Variants in NFIA observed in about 807,000 individuals in gnomAD.
NFIA encodes the protein nuclear factor 1 A-type.
Under a neutral mutation model 62.8 loss-of-function variants are expected in NFIA, and 8 were observed. The observed-to-expected ratio is 0.13, with a 90% CI of 0.07 to 0.23. NFIA has a LOEUF of 0.23. Ranked by LOEUF, NFIA falls within the 10% of genes least tolerant of loss-of-function variation. NFIA has a pLI of 1.00. For synonymous variants in NFIA, 235 were observed against 238.1 expected, an observed-to-expected ratio of 0.99 and a Z score of 0.12; for missense variants, 410 against 642.1, an observed-to-expected ratio of 0.64 and a Z score of 3.91.
chr1:61,351,057 G>C (rs1434958363), intron 4 of NFIA, among the ~76,000 whole-genome samples: 5 of 152,104 alleles, frequency 3.3e-5, no homozygotes, highest in Non-Finnish European at 7.4e-5. Context: ...CACTTATTCT[G>C]TTTTTCACTT....
chr1:61,170,143 A>G (rs1416305710), intron 2 of NFIA, among the ~76,000 whole-genome samples: 2 of 152,100 alleles, frequency 1.3e-5, no homozygotes, highest in African/African-American at 2.4e-5. Flanking sequence ...GCTACCCTGG[A>G]GATCCTCATG....
chr1:61,351,150 A>G (rs1662529580), intron 4 of NFIA, among the ~76,000 whole-genome samples: 1 of 152,242 alleles, frequency 6.6e-6, no homozygotes, highest in Admixed American at 6.5e-5. Context: ...TAAGCTGATG[A>G]TATTTTTAAC....
At chr1:61,349,789 C>T (rs1557724170) in intron 4 of NFIA, among the ~76,000 whole-genome samples, 2 of 151,970 alleles carry the variant, frequency 1.3e-5, no homozygotes, top group African/African-American at 4.8e-5. Context: ...GACATAGTCT[C>T]ACTATGTTGC....
chr1:61,388,188 A>G (rs533196058), intron 7 of NFIA, among the ~76,000 whole-genome samples: 8 of 152,306 alleles, frequency 5.3e-5, no homozygotes, highest in Non-Finnish European at 7.4e-5. Flanking sequence ...GGAATATCCT[A>G]TCGATAGGGG....
At chr1:61,352,405 T>A (rs755987988) in intron 4 of NFIA, 45 bp from the exon 5 acceptor site, 1 of 1,369,116 alleles carries the variant, frequency 7.3e-7, no homozygotes, top group South Asian at 1.2e-5. Flanking sequence ...TTGATTTTTT[T>A]ATCCACAGAA....
upstream of NFIA, chr1:61,081,954 G>A (rs1305426504): frequency 5.2e-6 from 8 of 1,550,572 alleles, no homozygotes; most frequent in African/African-American, 4.1e-5. Flanking sequence ...ATGCAAATGT[G>A]CCGCCCGGCC....
chr1:61,260,465 C>T (rs1236676655), intron 2 of NFIA, among the ~76,000 whole-genome samples: 1 of 152,174 alleles, frequency 6.6e-6, no homozygotes, highest in Non-Finnish European at 1.5e-5. Context: ...TTTTTGTTCA[C>T]GACTTCATCT....
rs963258037 is a variant in NFIA, at chr1:61,459,016, C to G, written c.*3696C>G. The G allele has an allele frequency of 1.3e-5, 2 of 152,092 alleles. No individual in the cohort carries two copies. Among genetic ancestry groups the G allele is most frequent in the Non-Finnish European group, 2.9e-5 (2 of 68,024 alleles). The allele number at this position is 152,092 out of a possible 1,614,324, so 9.4% of individuals were successfully genotyped here. On this transcript the variant is annotated 3_prime_UTR_variant, in exon 11 of 11. Transcript: ENST00000403491. ...TCATTGTCCAGAAAGCAGCAGGAAACTATTCAGTTGTGATCAAGCAGGAAA... is the reference window on the plus strand; with the variant it reads ...TCATTGTCCAGAAAGCAGCAGGAAAGTATTCAGTTGTGATCAAGCAGGAAA...
intron 6 of NFIA, among the ~76,000 whole-genome samples, chr1:61,366,895 T>C (rs762670144): frequency 2.4e-4 from 36 of 152,212 alleles, no homozygotes; most frequent in Non-Finnish European, 4.7e-4. Flanking sequence ...TGCACTCCAG[T>C]CTGGGCGACA....
chr1:61,309,389 T>G (rs1557697487), intron 3 of NFIA, among the ~76,000 whole-genome samples: 1 of 152,104 alleles, frequency 6.6e-6, no homozygotes, highest in Non-Finnish European at 1.5e-5. Context: ...TATGCATGAT[T>G]TTTCCTTACA....
rs1285322014 is a variant in NFIA at position 61,461,393 on chromosome 1, A to G, written c.*6073A>G. On this transcript the variant is annotated 3_prime_UTR_variant, in exon 11 of 11. Coordinates refer to ENST00000403491, the MANE Select transcript of NFIA (RefSeq NM_001134673.4). ...ACAAACTTTGGGCCCGATTCATAAGAAAAAGAAGTTTGCTATTAACACGGG... is the reference window on the plus strand; with the variant it reads ...ACAAACTTTGGGCCCGATTCATAAGGAAAAGAAGTTTGCTATTAACACGGG... The G allele has an allele frequency of 1.3e-5, 2 of 152,210 alleles. No individual in the cohort carries two copies. Among genetic ancestry groups the G allele is most frequent in the African/African-American group, 2.4e-5 (1 of 41,454 alleles). The allele number at this position is 152,210 out of a possible 1,614,324, so 9.4% of individuals were successfully genotyped here.
At chr1:61,235,025 C>T (rs1198198342) in intron 2 of NFIA, among the ~76,000 whole-genome samples, 2 of 152,120 alleles carry the variant, frequency 1.3e-5, no homozygotes, top group African/African-American at 4.8e-5. Context: ...CCTTTATACC[C>T]CTTTTAAGAC....
At chr1:61,333,153 T>G (rs1661400931) in intron 4 of NFIA, among the ~76,000 whole-genome samples, 1 of 152,026 alleles carries the variant, frequency 6.6e-6, no homozygotes, top group Non-Finnish European at 1.5e-5. Flanking sequence ...ATACAATGAT[T>G]ATGATGTTCC....
At chr1:61,262,407 A>G (rs72929868) in intron 2 of NFIA, among the ~76,000 whole-genome samples, 1,978 of 152,358 alleles carry the variant, frequency 0.013, 43 homozygotes, top group African/African-American at 0.045. Context: ...GTTTTTAATG[A>G]AAGTCCTTAT....
intron 4 of NFIA, among the ~76,000 whole-genome samples, chr1:61,333,873 G>A (rs1391488985): frequency 5.9e-5 from 9 of 152,198 alleles, no homozygotes; most frequent in African/African-American, 1.2e-4. Context: ...GGTGGTGCAC[G>A]CCTATGGCCC....
intron 7 of NFIA, among the ~76,000 whole-genome samples, chr1:61,395,233 TTA>T (rs1665203310): frequency 6.6e-6 from 1 of 151,898 alleles, no homozygotes; most frequent in Non-Finnish European, 1.5e-5. Context: ...ACCCATGGCT[TTA>T]TGTTTGTTAT....
chr1:61,093,269 T>C (rs1646352081), intron 2 of NFIA, among the ~76,000 whole-genome samples: 1 of 152,122 alleles, frequency 6.6e-6, no homozygotes, highest in African/African-American at 2.4e-5. Flanking sequence ...TAGAAAGTTG[T>C]GCAGTTACTT....
chr1:61,184,273 C>T (rs1281292226), intron 2 of NFIA, among the ~76,000 whole-genome samples: 1 of 152,248 alleles, frequency 6.6e-6, no homozygotes, highest in Non-Finnish European at 1.5e-5. Flanking sequence ...ACGTTCCGCT[C>T]CTTACATGGC....
intron 6 of NFIA, among the ~76,000 whole-genome samples, chr1:61,359,538 A>G (rs1488888328): frequency 6.6e-6 from 1 of 152,146 alleles, no homozygotes; most frequent in Non-Finnish European, 1.5e-5. Flanking sequence ...ACCACAATCC[A>G]GCATTTGATT....
Sources: gnomAD v4.1 joint callset for allele counts (sites outside exome capture counted in the v4.1 genomes callset) on GRCh38, gnomAD v4.1.1 for gene constraint, MANE v1.5 for transcripts, NCBI Gene and HGNC (gene_info 2026-07-23, HGNC 2026-07-21) for gene names.